R3HDM2: variants seen among roughly 807,000 people sequenced by gnomAD.
The protein encoded by R3HDM2 is R3H domain-containing protein 2.
A neutral mutation model predicts 124.5 loss-of-function variants in R3HDM2; 38 were observed. The observed-to-expected ratio is 0.31, with a 90% CI of 0.24 to 0.40. The LOEUF (loss-of-function observed/expected upper bound fraction) is 0.40, where lower values mean the gene tolerates loss of function less well. R3HDM2 is among the 10% of genes least tolerant of loss of function. R3HDM2 has a pLI of 1.00. For synonymous variants in R3HDM2, 391 were observed against 448.0 expected, an observed-to-expected ratio of 0.87 and a Z score of 1.61; for missense variants, 869 against 1,236.9, an observed-to-expected ratio of 0.70 and a Z score of 4.46.
chr12:57,310,937 AG>A (rs2139092101), intron 2 of R3HDM2, among the ~76,000 whole-genome samples: 1 of 152,324 alleles, frequency 6.6e-6, no homozygotes, highest in South Asian at 2.1e-4. Context: ...ACCAGGATTC[AG>A]TTCTAAAGTA....
At chr12:57,416,208 G>C (rs145903454) in intron 1 of R3HDM2, among the ~76,000 whole-genome samples, 2 of 152,202 alleles carry the variant, frequency 1.3e-5, no homozygotes, top group African/African-American at 4.8e-5. Context: ...ACAAAAAACT[G>C]TGTGTGTACT....
At chr12:57,382,622 G>A (rs2065069848) in intron 2 of R3HDM2, among the ~76,000 whole-genome samples, 1 of 150,760 alleles carries the variant, frequency 6.6e-6, no homozygotes, top group Admixed American at 6.6e-5. Flanking sequence ...CGATCACCAG[G>A]TCAGGAGATA....
chr12:57,403,936 C>A (rs1216279192), intron 1 of R3HDM2, among the ~76,000 whole-genome samples: 2 of 151,748 alleles, frequency 1.3e-5, no homozygotes, highest in Non-Finnish European at 2.9e-5. Flanking sequence ...TAAGAATTCT[C>A]ATTTTACATA....
rs112053221 is a variant in R3HDM2 at position 57,395,834 on chromosome 12, G to GA, written c.-105-17dup. Reference sequence around the variant, plus strand: ...AGTCTAACCTCTGGGGGAGGAGGGGGAAAAAAAAAAACAAGTTAAAAGCAA... The same window carrying GA: ...AGTCTAACCTCTGGGGGAGGAGGGGGAAAAAAAAAAAACAAGTTAAAAGCAA... On this transcript the variant is annotated splice_polypyrimidine_tract_variant and intron_variant, in intron 1 of 23. Transcript: ENST00000402412. 31,812 of 703,360 alleles carry GA rather than the reference G, an allele frequency of 0.045. No homozygotes were observed. Among genetic ancestry groups the GA allele is most frequent in the Middle Eastern group, 0.058 (82 of 1,412 alleles). 43.6% of individuals were successfully genotyped at this position (703,360 alleles called of 1,614,324 possible).
chr12:57,261,003 C>T lies in R3HDM2; in HGVS notation c.2132-1944G>A, dbSNP rs115886172. Reference sequence around the variant, plus strand: ...AGTCAGAGAGCACAAATACTCAGTGCAACAGGCTCAGATATCCCCATCTCC... The same window carrying T: ...AGTCAGAGAGCACAAATACTCAGTGTAACAGGCTCAGATATCCCCATCTCC... On this transcript the variant is annotated intron_variant, in intron 19 of 23. Transcript: ENST00000402412. Among the ~76,000 whole-genome samples the T allele has an allele frequency of 4.4e-3, 666 of 152,300 alleles. 8 individuals are homozygous for T. Among genetic ancestry groups the T allele is most frequent in the African/African-American group, 0.015 (635 of 41,550 alleles).
At chr12:57,344,230 T>C (rs1344325660) in intron 2 of R3HDM2, among the ~76,000 whole-genome samples, 1 of 152,200 alleles carries the variant, frequency 6.6e-6, no homozygotes, top group East Asian at 1.9e-4. Context: ...GGGTAGGTGA[T>C]ATACATGCAA....
chr12:57,409,243 C>T (rs991236482), intron 1 of R3HDM2, among the ~76,000 whole-genome samples: 2 of 152,000 alleles, frequency 1.3e-5, no homozygotes, highest in African/African-American at 4.8e-5. Flanking sequence ...ACCCCAATAG[C>T]CACTCTGCAC....
intron 1 of R3HDM2, among the ~76,000 whole-genome samples, chr12:57,403,080 G>A (rs974401133): frequency 2.6e-5 from 4 of 152,086 alleles, no homozygotes; most frequent in African/African-American, 9.7e-5. Flanking sequence ...ATGGGGCCAG[G>A]CACGGTGGCT....
At chr12:57,281,092 G>A (rs754461904) in intron 13 of R3HDM2, among the ~76,000 whole-genome samples, 7 of 151,958 alleles carry the variant, frequency 4.6e-5, no homozygotes, top group Non-Finnish European at 1.0e-4. Context: ...AGACCAGCCT[G>A]GCCAACCAAC....
At chr12:57,271,022 C>T (rs1012214647) in intron 14 of R3HDM2, among the ~76,000 whole-genome samples, 2 of 152,160 alleles carry the variant, frequency 1.3e-5, no homozygotes, top group Admixed American at 6.5e-5. Context: ...AAAAAGGCCC[C>T]TACATTGCCA....
rs757175161 is a variant in R3HDM2 at position 57,277,104 on chromosome 12, A to C, written c.1344+3254T>G. ...ATGGAAAAATAAATAATGAACAAAA[A>C]AAAAAAAAAAAAAGACTGCCCTGAG... On this transcript the variant is annotated intron_variant, in intron 14 of 23. Coordinates refer to ENST00000402412, the MANE Select transcript of R3HDM2 (RefSeq NM_001394031.1). 3.7e-3 allele frequency among the ~76,000 whole-genome samples: 561 copies of C among 151,486 alleles called. 2 individuals carry two copies. The highest frequency in any genetic ancestry group is 0.011 in the South Asian group (53 of 4,772).
chr12:57,270,108 G>A, intron 14 of R3HDM2, 114 bp from the exon 15 acceptor site: 2 of 1,279,844 alleles, frequency 1.6e-6, no homozygotes, highest in African/African-American at 1.5e-5. Flanking sequence ...TAAAACAATG[G>A]GGGATAGTCC....
Position 57,412,416 on chromosome 12 carries a change from C to T in R3HDM2, c.-105-16598G>A, listed in dbSNP as rs138694205. Among the ~76,000 whole-genome samples the T allele has an allele frequency of 4.8e-3, 729 of 152,028 alleles. 5 individuals carry two copies. Among genetic ancestry groups the T allele is most frequent in the African/African-American group, 0.017 (693 of 41,466 alleles). ...AAAATTAGCCAAGCATGGTGGCACACGCCTGTAATCCCAGCTACTTGGGAG... is the reference window on the plus strand; with the variant it reads ...AAAATTAGCCAAGCATGGTGGCACATGCCTGTAATCCCAGCTACTTGGGAG... On this transcript the variant is annotated intron_variant, in intron 1 of 23. Transcript: ENST00000402412.
chr12:57,260,593 G>A (rs2040539096), intron 19 of R3HDM2, among the ~76,000 whole-genome samples: 1 of 152,170 alleles, frequency 6.6e-6, no homozygotes, highest in African/African-American at 2.4e-5. Flanking sequence ...TTCCCCGCAA[G>A]GGATTGTCTA....
intron 2 of R3HDM2, among the ~76,000 whole-genome samples, chr12:57,348,188 C>G (rs900884092): frequency 6.6e-6 from 1 of 152,166 alleles, no homozygotes; most frequent in Non-Finnish European, 1.5e-5. Context: ...CTGTGGGAGG[C>G]TGAAGCCTAA....
chr12:57,256,498 G>A lies in R3HDM2; in HGVS notation c.2463C>T (p.Tyr821=), dbSNP rs2039049757. 2 of 1,584,792 alleles carry A rather than the reference G, an allele frequency of 1.3e-6. No homozygotes were observed. Among genetic ancestry groups the A allele is most frequent in the Non-Finnish European group, 1.7e-6 (2 of 1,165,368 alleles). ...PGGPAQGDGR[Y]SLLGQPLQYN... The stretch of plus-strand genomic sequence containing the variant: ...ACTGTAATGGCTGGCCCAAAAGGGA[G>A]TAGCGCCCATCACCTAGGGAGTAAG... Residue 821 remains tyrosine (Y), a synonymous_variant, in exon 22 of 24, where the codon TAC becomes TAT. Transcript: ENST00000402412.
chr12:57,274,234 A>G (rs2044198242), intron 14 of R3HDM2, among the ~76,000 whole-genome samples: 1 of 152,238 alleles, frequency 6.6e-6, no homozygotes, highest in East Asian at 1.9e-4. Context: ...TGTAATCCCA[A>G]CACTTTGGGA....
chr12:57,326,209 A>G (rs1032141494), intron 2 of R3HDM2, among the ~76,000 whole-genome samples: 7 of 152,186 alleles, frequency 4.6e-5, no homozygotes, highest in African/African-American at 1.7e-4. Context: ...AATTAGGCCA[A>G]TTAATAACTC....
In R3HDM2 at chr12:57,373,806, T is replaced by A. The variant is rs2063669974; in HGVS notation, c.-36+21943A>T. On this transcript the variant is annotated intron_variant, in intron 2 of 23. Transcript: ENST00000402412. ...CCAGTCTGGGCAACAAGAGCAAAACTCCTTCTCAAAAATAAATAAATAAAT... is the reference window on the plus strand; with the variant it reads ...CCAGTCTGGGCAACAAGAGCAAAACACCTTCTCAAAAATAAATAAATAAAT... 2.1e-5 allele frequency among the ~76,000 whole-genome samples: 3 copies of A among 139,680 alleles called. No individual in the cohort carries two copies. In the Admixed American group the frequency reaches 2.2e-4, roughly 10 times the overall value. The allele number at this position is 139,680 out of a possible 152,430, so 91.6% of individuals were successfully genotyped here. A position where few individuals can be genotyped will look rare whatever the true frequency, so the allele number is the denominator to read the frequency against.
Sources: allele counts gnomAD v4.1 joint callset (sites outside exome capture counted in the v4.1 genomes callset), GRCh38; gene constraint gnomAD v4.1.1; transcripts MANE v1.5; gene names NCBI Gene and HGNC (gene_info 2026-07-23, HGNC 2026-07-21).